LUZP1: variants seen among roughly 807,000 people sequenced by gnomAD.
LUZP1 encodes the protein filamin mechanobinding actin cross-linking protein.
In LUZP1, 25 loss-of-function variants were observed where a neutral mutation model predicts 71.3. The ratio of observed to expected loss-of-function variants is 0.35; its 90% confidence interval spans 0.26 to 0.49. LUZP1 has a LOEUF of 0.49. Among genes scored for constraint, LUZP1 ranks in the 20% least tolerant of loss-of-function variants. The probability of loss-of-function intolerance (pLI) is 0.99; values close to 1 mark genes in which losing one functional copy is unlikely to be tolerated. For synonymous variants in LUZP1, 481 were observed against 506.4 expected, an observed-to-expected ratio of 0.95 and a Z score of 0.67; for missense variants, 1,142 against 1,300.8, an observed-to-expected ratio of 0.88 and a Z score of 1.88.
intron 2 of LUZP1, among the ~76,000 whole-genome samples, chr1:23,146,720 C>A (rs944504019): frequency 1.3e-5 from 2 of 152,020 alleles, no homozygotes; most frequent in South Asian, 4.2e-4. Flanking sequence ...CACCTGAGCC[C>A]GGGAAGATCA....
intron 1 of LUZP1, among the ~76,000 whole-genome samples, chr1:23,174,022 C>A (rs972247760): frequency 1.1e-4 from 16 of 151,946 alleles, no homozygotes; most frequent in African/African-American, 3.9e-4. Flanking sequence ...AGTCAGAGTT[C>A]CCCAGAGAAA....
At chr1:23,168,543 A>C (rs1249023391) in intron 2 of LUZP1, among the ~76,000 whole-genome samples, 1 of 144,696 alleles carries the variant, frequency 6.9e-6, no homozygotes, top group South Asian at 2.2e-4. Context: ...CTCCACAAAC[A>C]TGTGCTGGGT....
chr1:23,114,666 C>T (rs1644063447), intron 2 of LUZP1, among the ~76,000 whole-genome samples: 1 of 152,226 alleles, frequency 6.6e-6, no homozygotes, highest in Admixed American at 6.5e-5. Context: ...CTCCCAACCC[C>T]ACTTGCCAAC....
At chr1:23,144,891 G>T (rs1644330298) in intron 2 of LUZP1, among the ~76,000 whole-genome samples, 1 of 151,892 alleles carries the variant, frequency 6.6e-6, no homozygotes. Flanking sequence ...GTTTTGGGGG[G>T]ATTTTTTGGT....
At chr1:23,108,581 T>C (rs1031987881) in intron 3 of LUZP1, among the ~76,000 whole-genome samples, 7 of 152,138 alleles carry the variant, frequency 4.6e-5, no homozygotes, top group African/African-American at 1.7e-4. Flanking sequence ...GCCTGGGCAA[T>C]GGGAGCGAAA....
At chr1:23,176,532 A>G (rs1644583332) in intron 1 of LUZP1, among the ~76,000 whole-genome samples, 1 of 152,168 alleles carries the variant, frequency 6.6e-6, no homozygotes, top group Non-Finnish European at 1.5e-5. Context: ...CAGACCCACA[A>G]AATCTTGCAT....
chr1:23,171,780 C>A (rs1644554343), intron 1 of LUZP1, among the ~76,000 whole-genome samples: 2 of 152,178 alleles, frequency 1.3e-5, no homozygotes, highest in Non-Finnish European at 2.9e-5. Context: ...AAAGGAAGGG[C>A]CTTTACTGAG....
At chr1:23,124,886 C>T (rs1241828297) in intron 2 of LUZP1, among the ~76,000 whole-genome samples, 1 of 152,216 alleles carries the variant, frequency 6.6e-6, no homozygotes, top group Admixed American at 6.5e-5. Context: ...TTCGTTCATT[C>T]TAATGCCCTT....
intron 2 of LUZP1, among the ~76,000 whole-genome samples, chr1:23,153,933 GCTC>G (rs1410632658): frequency 6.6e-6 from 1 of 151,940 alleles, no homozygotes; most frequent in Non-Finnish European, 1.5e-5. Flanking sequence ...CAACCCAAAT[GCTC>G]CTCAACTGGT....
intron 4 of LUZP1, chr1:23,090,864 G>A (rs2124585924): frequency 2.8e-6 from 2 of 717,566 alleles, no homozygotes; most frequent in South Asian, 3.0e-5. Context: ...TTTTCATGCT[G>A]TTCTGAGGGC....
intron 2 of LUZP1, among the ~76,000 whole-genome samples, chr1:23,115,606 T>C (rs1041500703): frequency 6.6e-5 from 10 of 152,176 alleles, no homozygotes; most frequent in African/African-American, 1.9e-4. Flanking sequence ...AGTGGCACGA[T>C]CTCGGCTCAC....
exon 4 of LUZP1, chr1:23,092,006 A>G: frequency 6.2e-7 from 1 of 1,614,134 alleles, no homozygotes; most frequent in Non-Finnish European, 8.5e-7. Flanking sequence ...TGATGGCTCT[A>G]GACCGCAACG....
At chr1:23,134,742 C>A (rs1372540025) in intron 2 of LUZP1, among the ~76,000 whole-genome samples, 1 of 152,076 alleles carries the variant, frequency 6.6e-6, no homozygotes, top group Non-Finnish European at 1.5e-5. Context: ...ATGATCAGGC[C>A]ACTATACTCC....
At chr1:23,165,738 CT>C (rs1210252607) in intron 2 of LUZP1, among the ~76,000 whole-genome samples, 1 of 152,174 alleles carries the variant, frequency 6.6e-6, no homozygotes, top group African/African-American at 2.4e-5. Flanking sequence ...TATACCACAT[CT>C]TTCAGCCTGG....
intron 2 of LUZP1, among the ~76,000 whole-genome samples, chr1:23,154,018 C>T (rs1405043159): frequency 6.6e-6 from 1 of 152,198 alleles, no homozygotes; most frequent in Non-Finnish European, 1.5e-5. Flanking sequence ...GCTGCTGATA[C>T]ATGCAATAAT....
chr1:23,116,955 C>A (rs1644084268), intron 2 of LUZP1, among the ~76,000 whole-genome samples: 1 of 152,180 alleles, frequency 6.6e-6, no homozygotes, highest in Non-Finnish European at 1.5e-5. Context: ...GATTAAAATG[C>A]CCTTCTATAT....
At chr1:23,139,853 G>A (rs1644288917) in intron 2 of LUZP1, among the ~76,000 whole-genome samples, 1 of 152,030 alleles carries the variant, frequency 6.6e-6, no homozygotes, top group African/African-American at 2.4e-5. Flanking sequence ...AGGAGGCTGA[G>A]GTGGGAGGAT....
chr1:23,144,537 C>T (rs1644328234), intron 2 of LUZP1, among the ~76,000 whole-genome samples: 1 of 152,206 alleles, frequency 6.6e-6, no homozygotes, highest in Non-Finnish European at 1.5e-5. Context: ...TCTCATTTTA[C>T]CTTTTTTCAC....
Position 23,094,390 on chromosome 1 carries a change from G to GA in LUZP1, c.-119-11dup. 1 of 1,438,484 alleles carries GA rather than the reference G, an allele frequency of 7.0e-7. No homozygotes were observed. The highest frequency in any genetic ancestry group is 2.5e-5 in the East Asian group (1 of 40,132). 89.1% of individuals were successfully genotyped at this position (1,438,484 alleles called of 1,614,324 possible). ...GGAGACCATCATCAATCTACAAAAG[G>GA]AAAGTAGAAAGCATGTCAGTCAGCA... On this transcript the variant is annotated splice_polypyrimidine_tract_variant and intron_variant, in intron 3 of 4. Coordinates refer to ENST00000302291, the Ensembl canonical transcript of LUZP1. The surrounding 1 kb of genome is among the most constrained non-coding windows in gnomAD (Gnocchi z 4.7).
Sources: allele counts gnomAD v4.1 joint callset (sites outside exome capture counted in the v4.1 genomes callset), GRCh38; gene constraint gnomAD v4.1.1; non-coding constraint Gnocchi (gnomAD v3.1); transcripts MANE v1.5; gene names NCBI Gene and HGNC (gene_info 2026-07-23, HGNC 2026-07-21).